CNGB1: variants seen among roughly 807,000 people sequenced by gnomAD.
The protein encoded by CNGB1 is cyclic nucleotide gated channel subunit beta 1, also known as cyclic nucleotide-gated channel beta-1.
Under a neutral mutation model 151.7 loss-of-function variants are expected in CNGB1, and 126 were observed. The observed-to-expected ratio is 0.83, with a 90% CI of 0.72 to 0.96. The LOEUF (loss-of-function observed/expected upper bound fraction) is 0.96. Ranked by LOEUF, CNGB1 falls within the 40% of genes least tolerant of loss-of-function variation. The probability of loss-of-function intolerance (pLI) is 0.00; values close to 1 mark genes in which losing one functional copy is unlikely to be tolerated. For missense variants in CNGB1, 1,698 were observed against 1,627.0 expected, an observed-to-expected ratio of 1.04 and a Z score of -0.75; for synonymous variants, 623 against 635.1, an observed-to-expected ratio of 0.98 and a Z score of 0.29.
chr16:57,884,566 G>A lies in CNGB1; in HGVS notation c.3463-109C>T, dbSNP rs1264490678. 4.1e-6 allele frequency: 5 copies of A among 1,213,328 alleles called. No homozygotes were observed. In the African/African-American group the frequency reaches 4.5e-5, roughly 11 times the overall value. The allele number at this position is 1,213,328 out of a possible 1,614,324, so 75.2% of individuals were successfully genotyped here. A position where few individuals can be genotyped will look rare whatever the true frequency, so the allele number is the denominator to read the frequency against. ...TTTTTGGACCCCCAAAGAGGGCAGC[G>A]GAACACACAGCGGGTGAAATCTAGT... On this transcript the variant is annotated intron_variant, in intron 32 of 32. Coordinates refer to ENST00000251102, the MANE Select transcript of CNGB1 (RefSeq NM_001297.5).
chr16:57,888,281 G>C (rs193218563), intron 31 of CNGB1, among the ~76,000 whole-genome samples: 2 of 152,308 alleles, frequency 1.3e-5, no homozygotes. Context: ...AATGAGGTGG[G>C]TCTTACTGTC....
chr16:57,931,167 T>A (rs1011362546), intron 17 of CNGB1, among the ~76,000 whole-genome samples: 3 of 151,644 alleles, frequency 2.0e-5, no homozygotes, highest in South Asian at 2.1e-4. Flanking sequence ...GTTTTTTTTT[T>A]TTATTTTTTG....
Position 57,964,116 on chromosome 16 carries a change from G to T in CNGB1, c.290+14C>A. On this transcript the variant is annotated intron_variant, in intron 4 of 32. Coordinates refer to ENST00000251102, the MANE Select transcript of CNGB1 (RefSeq NM_001297.5). Reference sequence around the variant, plus strand: ...GCGGGCTGGCCCTGAAGAGAGGGGAGGGTGGTGCAGTACCTATTCATTTCA... The same window carrying T: ...GCGGGCTGGCCCTGAAGAGAGGGGATGGTGGTGCAGTACCTATTCATTTCA... 1 of 1,613,494 alleles carries T rather than the reference G, an allele frequency of 6.2e-7. No individual in the cohort carries two copies. Among genetic ancestry groups the T allele is most frequent in the Non-Finnish European group, 8.5e-7 (1 of 1,179,604 alleles).
intron 16 of CNGB1, among the ~76,000 whole-genome samples, chr16:57,932,223 G>A (rs1596990464): frequency 6.6e-6 from 1 of 152,112 alleles, no homozygotes; most frequent in South Asian, 2.1e-4. Flanking sequence ...TGAGGCAGTG[G>A]CAGCCCCCAG....
rs746210655 is a variant in CNGB1, at chr16:57,950,333, C to A, written c.1034+48G>T. ...GAGATAAGGTACTGCATGCTTGGCA[C>A]TTTCTCAAACAATAACTAATCTTTT... On this transcript the variant is annotated intron_variant, in intron 13 of 32. Transcript: ENST00000251102. The A allele has an allele frequency of 1.6e-5, 26 of 1,609,926 alleles. No homozygotes were observed. In the South Asian group the frequency reaches 2.6e-4, roughly 16 times the overall value.
chr16:57,897,695 G>T, intron 30 of CNGB1, 101 bp downstream of exon 30: 4 of 1,515,806 alleles, frequency 2.6e-6, no homozygotes, highest in Non-Finnish European at 3.7e-6. Context: ...GCAGGTGCCA[G>T]TGCTGCATCT....
At chr16:57,918,822 C>T (rs1484534159) in intron 20 of CNGB1, among the ~76,000 whole-genome samples, 6 of 152,208 alleles carry the variant, frequency 3.9e-5, no homozygotes, top group African/African-American at 1.4e-4. Flanking sequence ...GCTTCAGCCT[C>T]TCAAGTAGCT....
chr16:57,920,074 C>T (rs749968540), intron 19 of CNGB1, among the ~76,000 whole-genome samples: 2 of 152,152 alleles, frequency 1.3e-5, no homozygotes, highest in Non-Finnish European at 2.9e-5. Flanking sequence ...GAGTGTAAGA[C>T]CATAAGATAC....
intron 14 of CNGB1, among the ~76,000 whole-genome samples, chr16:57,947,006 C>T (rs189960412): frequency 6.6e-6 from 1 of 152,228 alleles, no homozygotes; most frequent in African/African-American, 2.4e-5. Flanking sequence ...TGTGCACACA[C>T]ATGTATGAAT....
chr16:57,931,597 A>T, intron 17 of CNGB1, 119 bp downstream of exon 17: 2 of 1,182,338 alleles, frequency 1.7e-6, no homozygotes, highest in Non-Finnish European at 2.5e-6. Flanking sequence ...CACTTCTGAC[A>T]CCAACTCGCT....
Position 57,901,308 on chromosome 16 carries a change from G to T in CNGB1, c.2976+44C>A, listed in dbSNP as rs764359923. On this transcript the variant is annotated intron_variant, in intron 29 of 32. Transcript: ENST00000251102. Reference sequence around the variant, plus strand: ...AGCTCAGTTCCTTGAAAGCCAGGGGGATGGTGAACCCCAGATCCCGTGGTG... The same window carrying T: ...AGCTCAGTTCCTTGAAAGCCAGGGGTATGGTGAACCCCAGATCCCGTGGTG... 8.8e-6 allele frequency: 14 copies of T among 1,586,282 alleles called. No individual in the cohort carries two copies. The South Asian group carries it at 1.5e-4, about 18-fold the overall frequency.
chr16:57,897,343 G>T, intron 31 of CNGB1, 54 bp downstream of exon 31: 9 of 1,545,268 alleles, frequency 5.8e-6, no homozygotes, highest in South Asian at 1.1e-5. Flanking sequence ...GGTTATGTAA[G>T]AGAAATTCAT....
At position 57,950,567 on chromosome 16, in the gene CNGB1, T is replaced by C. The variant is rs201362883; in HGVS notation, c.875-27A>G. The C allele has an allele frequency of 3.1e-6, 5 of 1,613,688 alleles. No individual in the cohort carries two copies. The African/African-American group carries it at 4.0e-5, about 13-fold the overall frequency. On this transcript the variant is annotated intron_variant, in intron 12 of 32. Transcript: ENST00000251102. ...TGCAGGGAACACAGGAAGAGCCATTTATGGGATGTGCGGGAGAGTGGGCTT... is the reference window on the plus strand; with the variant it reads ...TGCAGGGAACACAGGAAGAGCCATTCATGGGATGTGCGGGAGAGTGGGCTT...
At chr16:57,913,141 C>T (rs2149362846) in intron 23 of CNGB1, 147 bp from the exon 24 acceptor site, 2 of 695,354 alleles carry the variant, frequency 2.9e-6, no homozygotes, top group Non-Finnish European at 5.1e-6. Flanking sequence ...AGTCCTCAGC[C>T]CCTTGACGGG....
At chr16:57,914,507 A>T (rs1269335511) in intron 23 of CNGB1, among the ~76,000 whole-genome samples, 1 of 151,632 alleles carries the variant, frequency 6.6e-6, no homozygotes, top group Non-Finnish European at 1.5e-5. Context: ...TTTTTTGTAA[A>T]TTCCCTCAGT....
intron 3 of CNGB1, 86 bp downstream of exon 3, chr16:57,964,401 C>A (rs1962335998): frequency 1.3e-6 from 2 of 1,545,626 alleles, no homozygotes; most frequent in Admixed American, 1.7e-5. Context: ...TGAAATGGGT[C>A]CGCCAGCCTC....
chr16:57,943,895 T>C (rs1961734578), intron 14 of CNGB1, among the ~76,000 whole-genome samples: 1 of 152,024 alleles, frequency 6.6e-6, no homozygotes, highest in Admixed American at 6.6e-5. Context: ...AGCATTAATT[T>C]TTTTTTTTTC....
chr16:57,890,112 A>G (rs1960046170), intron 31 of CNGB1, among the ~76,000 whole-genome samples: 1 of 152,216 alleles, frequency 6.6e-6, no homozygotes, highest in African/African-American at 2.4e-5. Flanking sequence ...AGTTTGTCTC[A>G]AGAACAAATG....
chr16:57,941,370 G>T (rs1961662821), intron 14 of CNGB1, among the ~76,000 whole-genome samples: 1 of 152,168 alleles, frequency 6.6e-6, no homozygotes, highest in South Asian at 2.1e-4. Context: ...TACCCAGAGG[G>T]CCAAGTCTCA....
Sources: gnomAD v4.1 joint callset for allele counts (sites outside exome capture counted in the v4.1 genomes callset) on GRCh38, gnomAD v4.1.1 for gene constraint, MANE v1.5 for transcripts, NCBI Gene and HGNC (gene_info 2026-07-23, HGNC 2026-07-21) for gene names.